The following FGF17 variants were observed in gnomAD, a reference collection of about 807,000 sequenced individuals.
The protein encoded by FGF17 is fibroblast growth factor 17.
FGF17 carries 5 observed loss-of-function variants against 23.5 expected under a neutral mutation model. The ratio of observed to expected loss-of-function variants is 0.21; its 90% CI spans 0.11 to 0.45. FGF17 has a LOEUF of 0.45. Among genes scored for constraint, FGF17 ranks in the 20% least tolerant of loss-of-function variants. The pLI, the probability that FGF17 is intolerant of heterozygous loss-of-function variation, is 0.99. For missense variants in FGF17, 221 were observed against 306.9 expected, an observed-to-expected ratio of 0.72 and a Z score of 2.09; for synonymous variants, 136 against 123.0, an observed-to-expected ratio of 1.11 and a Z score of -0.70.
chr8:22,045,073 G>T, intron 2 of FGF17: 2 of 985,512 alleles, frequency 2.0e-6, no homozygotes, highest in Non-Finnish European at 2.4e-6. Flanking sequence ...AACCTAGCCC[G>T]GGTCGCACCT....
In FGF17 at chr8:22,046,306, T is replaced by G. The variant is rs370290685; in HGVS notation, c.250+15T>G. The G allele has an allele frequency of 1.5e-5, 24 of 1,608,214 alleles. No individual in the cohort carries two copies. In the East Asian group the frequency reaches 1.8e-4, roughly 12 times the overall value. ...CAACAAGTTTGGTGAGAGTTGGCCC[T>G]CCCCCCAGGGCACCCACACCTCCAC... On this transcript the variant is annotated intron_variant, in intron 3 of 4. Coordinates refer to ENST00000359441, the MANE Select transcript of FGF17 (RefSeq NM_003867.4).
In FGF17 at chr8:22,046,587, GTGAGAAGTACATCTGTA is replaced by G; in HGVS notation, c.315_331del (p.Lys106GlnfsTer145). The G allele has an allele frequency of 6.2e-7, 1 of 1,614,006 alleles. No homozygotes were observed. Among genetic ancestry groups the G allele is most frequent in the Non-Finnish European group, 8.5e-7 (1 of 1,179,960 alleles). Reference sequence around the variant, plus strand: ...CGGGTTCGCATCAAAGGGGCTGAGAGTGAGAAGTACATCTGTATGAACAAGAGGGGCAAGCTCATCGG... The same window carrying G: ...CGGGTTCGCATCAAAGGGGCTGAGAGTGAACAAGAGGGGCAAGCTCATCGG... On this transcript the variant is annotated frameshift_variant, in exon 4 of 5. Transcript: ENST00000359441. LOFTEE classifies it high-confidence loss of function.
At chr8:22,045,337 C>A in intron 2 of FGF17, 1 of 986,888 alleles carries the variant, frequency 1.0e-6, no homozygotes, top group South Asian at 4.5e-5. Context: ...TAGTGCCTGT[C>A]CTCTTGGTAC....
At chr8:22,043,888 T>C (rs1800792372) in intron 2 of FGF17, among the ~76,000 whole-genome samples, 1 of 151,916 alleles carries the variant, frequency 6.6e-6, no homozygotes, top group Non-Finnish European at 1.5e-5. Context: ...TGGGGAGAGA[T>C]CGCTTGGCTT....
rs398123025 is a variant in FGF17 at position 22,048,128 on chromosome 8, G to A, written c.530G>A (p.Arg177His). ...QNQREAHFIKRLYQGQLPFPN... is the reference protein window; with the variant it reads ...QNQREAHFIKHLYQGQLPFPN... Reference sequence around the variant, plus strand: ...CAGCGCGAGGCCCACTTCATCAAGCGCCTCTACCAAGGCCAGCTGCCCTTC... The same window carrying A: ...CAGCGCGAGGCCCACTTCATCAAGCACCTCTACCAAGGCCAGCTGCCCTTC... The change falls in exon 5 of 5, where the codon CGC (arginine) becomes CAC (histidine). Residue 177 changes from arginine to histidine, a missense_variant. Transcript: ENST00000359441. The surrounding 1 kb of genome is among the most constrained non-coding windows in gnomAD (Gnocchi z 6.9). The A allele has an allele frequency of 1.2e-6, 2 of 1,613,442 alleles. No individual in the cohort carries two copies. Among genetic ancestry groups the A allele is most frequent in the African/African-American group, 1.3e-5 (1 of 75,062 alleles).
At position 22,048,524 on chromosome 8, in the gene FGF17, G is replaced by A. The variant is rs1351009905; in HGVS notation, c.*275G>A. On this transcript the variant is annotated 3_prime_UTR_variant, in exon 5 of 5. Transcript: ENST00000359441. This position sits in a 1 kb window ranked among gnomAD's most constrained non-coding sequence, Gnocchi z 6.9. ...CCAGCCTCTGCCGGCCTCCCAGCCG[G>A]GCTCCTGAAGCCCGCTGAAAGGTCA... The A allele has an allele frequency of 2.0e-6, 1 of 489,440 alleles. No homozygotes were observed. Among genetic ancestry groups the A allele is most frequent in the African/African-American group, 2.0e-5 (1 of 51,038 alleles). The allele number at this position is 489,440 out of a possible 1,614,324, so 30.3% of individuals were successfully genotyped here. A position where few individuals can be genotyped will look rare whatever the true frequency, so the allele number is the denominator to read the frequency against.
At chr8:22,044,847 C>G (rs570277742) in intron 2 of FGF17, 1 of 985,406 alleles carries the variant, frequency 1.0e-6, no homozygotes. Flanking sequence ...TTTCCCACCC[C>G]CTCCCTAGGA....
At chr8:22,042,159 T>C (rs984075450), upstream of FGF17, among the ~76,000 whole-genome samples, 2 of 152,248 alleles carry the variant, frequency 1.3e-5, no homozygotes, top group Non-Finnish European at 2.9e-5. Context: ...CTTCTCCAAG[T>C]GTCTGTCTCA....
At chr8:22,045,768 T>C (rs1800851122) in intron 2 of FGF17, 3 of 1,217,204 alleles carry the variant, frequency 2.5e-6, no homozygotes, top group Non-Finnish European at 3.1e-6. Context: ...CTGTCCCTAA[T>C]GAGCTGTGTG....
chr8:22,044,478 C>T (rs1800814079), intron 2 of FGF17: 3 of 123,756 alleles, frequency 2.4e-5, no homozygotes, highest in Non-Finnish European at 3.4e-5. Flanking sequence ...TGAAGGGGGA[C>T]GAGGAAAGGA....
At chr8:22,046,428 G>A (rs942880576) in intron 3 of FGF17, 99 bp from the exon 4 acceptor site, 12 of 1,415,700 alleles carry the variant, frequency 8.5e-6, no homozygotes, top group South Asian at 3.8e-5. Flanking sequence ...CAACCCCTTC[G>A]CCTGAGTCTG....
rs761923923 is a variant in FGF17 at position 22,042,895 on chromosome 8, CA to C, written c.-33del. ...CCACATCTGCTCCTGAGCTTGGGGGCAGGGGGGCAACCGCCTGAGGAACCTC... is the reference window on the plus strand; with the variant it reads ...CCACATCTGCTCCTGAGCTTGGGGGCGGGGGGCAACCGCCTGAGGAACCTC... On this transcript the variant is annotated 5_prime_UTR_variant, in exon 1 of 5. Transcript: ENST00000359441. 3 of 1,612,232 alleles carry C rather than the reference CA, an allele frequency of 1.9e-6. No homozygotes were observed. Among genetic ancestry groups the C allele is most frequent in the Admixed American group, 1.7e-5 (1 of 59,928 alleles).
At chr8:22,043,946 T>C (rs1345681616) in intron 2 of FGF17, among the ~76,000 whole-genome samples, 1 of 152,166 alleles carries the variant, frequency 6.6e-6, no homozygotes, top group Non-Finnish European at 1.5e-5. Context: ...GGGACTTTTT[T>C]TGAAGGTAAA....
chr8:22,048,473 C>T lies in FGF17; in HGVS notation c.*224C>T, dbSNP rs1365352105. 17 of 582,938 alleles carry T rather than the reference C, an allele frequency of 2.9e-5. No individual in the cohort carries two copies. The highest frequency in any genetic ancestry group is 2.7e-4 in the South Asian group (13 of 47,762). 36.1% of individuals were successfully genotyped at this position (582,938 alleles called of 1,614,324 possible). ...ACGGGTGGCAGGCCCTGGAGAGGAACTGAGTGTCACCCTGATCTCAGGCCA... is the reference window on the plus strand; with the variant it reads ...ACGGGTGGCAGGCCCTGGAGAGGAATTGAGTGTCACCCTGATCTCAGGCCA... On this transcript the variant is annotated 3_prime_UTR_variant, in exon 5 of 5. Coordinates refer to ENST00000359441, the MANE Select transcript of FGF17 (RefSeq NM_003867.4). The surrounding 1 kb of genome is among the most constrained non-coding windows in gnomAD (Gnocchi z 6.9).
chr8:22,044,933 G>T, intron 2 of FGF17: 3 of 985,648 alleles, frequency 3.0e-6, no homozygotes, highest in Non-Finnish European at 3.6e-6. Flanking sequence ...GGATAAAGGT[G>T]GAATTAGGGA....
At chr8:22,045,533 A>G in intron 2 of FGF17, 1 of 993,130 alleles carries the variant, frequency 1.0e-6, no homozygotes, top group Non-Finnish European at 1.2e-6. Flanking sequence ...AGTGCTTCAA[A>G]GAAATGCTCA....
upstream of FGF17, among the ~76,000 whole-genome samples, chr8:22,041,599 C>T (rs1800738794): frequency 6.6e-6 from 1 of 152,156 alleles, no homozygotes; most frequent in Non-Finnish European, 1.5e-5. Context: ...CACCGGTCTC[C>T]AGGACCTCGG....
At chr8:22,043,097 GCTT>G in intron 1 of FGF17, 45 bp from the exon 2 acceptor site, 1 of 1,609,210 alleles carries the variant, frequency 6.2e-7, no homozygotes, top group Non-Finnish European at 8.5e-7. Context: ...TGCACCCTAG[GCTT>G]GCAGCTGGCA....
Position 22,048,306 on chromosome 8 carries a change from A to C in FGF17, c.*57A>C. The C allele has an allele frequency of 7.1e-7, 1 of 1,406,406 alleles. No homozygotes were observed. The highest frequency in any genetic ancestry group is 9.7e-7 in the Non-Finnish European group (1 of 1,036,242). 87.1% of individuals were successfully genotyped at this position (1,406,406 alleles called of 1,614,324 possible). A position where few individuals can be genotyped will look rare whatever the true frequency, so the allele number is the denominator to read the frequency against. ...CGCCTCCCCACCCCTTTCCCTTCTT[A>C]ATCCAAGGACTGGGCTGGGGTGGCG... On this transcript the variant is annotated 3_prime_UTR_variant, in exon 5 of 5. Transcript: ENST00000359441. This position sits in a 1 kb window ranked among gnomAD's most constrained non-coding sequence, Gnocchi z 6.9.
Sources: gnomAD v4.1 joint callset for allele counts (sites outside exome capture counted in the v4.1 genomes callset) on GRCh38, gnomAD v4.1.1 for gene constraint, Gnocchi (gnomAD v3.1) non-coding constraint, MANE v1.5 for transcripts, NCBI Gene and HGNC (gene_info 2026-07-23, HGNC 2026-07-21) for gene names.